Variants in SZT2 observed in about 807,000 individuals in gnomAD.
SZT2 encodes SZT2 subunit of KICSTOR complex, also known as KICSTOR complex protein SZT2.
In SZT2, 216 loss-of-function variants were observed where a neutral mutation model predicts 404.2. That is an observed-to-expected ratio of 0.53 (90% CI 0.48 to 0.60). SZT2 has a LOEUF of 0.60. SZT2 is among the 20% of genes least tolerant of loss of function. SZT2 has a pLI of 0.00. For missense variants in SZT2, 3,857 were observed against 4,459.2 expected (o/e 0.86, Z 3.85); for synonymous variants, 1,693 against 1,749.9 (o/e 0.97, Z 0.81).
chr1:43,398,635 T>C (rs983816661), intron 1 of SZT2, among the ~76,000 whole-genome samples: 2 of 152,030 alleles, frequency 1.3e-5, no homozygotes, highest in Non-Finnish European at 2.9e-5. Flanking sequence ...AAAGAAAGGG[T>C]GAGTAATTGC....
chr1:43,392,456 C>T (rs981762637), intron 1 of SZT2, among the ~76,000 whole-genome samples: 1 of 151,366 alleles, frequency 6.6e-6, no homozygotes, highest in African/African-American at 2.4e-5. Flanking sequence ...GCTCTGTCGC[C>T]CAGGCTGGAG....
Position 43,420,941 on chromosome 1 carries a change from A to T in SZT2, c.1454A>T (p.Tyr485Phe). 1 of 1,598,414 alleles carries T rather than the reference A, an allele frequency of 6.3e-7. No homozygotes were observed. Among genetic ancestry groups the T allele is most frequent in the Non-Finnish European group, 8.5e-7 (1 of 1,179,800 alleles). ...CTAAGGCAGCCCATTCGTTCATTGTATCGTACCCATGTTATCCGGCGTTTC... is the reference window on the plus strand; with the variant it reads ...CTAAGGCAGCCCATTCGTTCATTGTTTCGTACCCATGTTATCCGGCGTTTC... ...CALRQPIRSL[Y>F]RTHVIRRFWN... Residue 485 changes from tyrosine (Y) to phenylalanine (F), a missense_variant, in exon 10 of 72, where the codon TAT (tyrosine) becomes TTT (phenylalanine). Physicochemically the swap from Tyr to Phe is conservative, Grantham distance 22. This residue lies in a region of SZT2 where 536 missense variants were observed against 637.4 expected (regional missense o/e 0.84). Transcript: ENST00000634258. The surrounding 1 kb of genome is among the most constrained non-coding windows in gnomAD (Gnocchi z 5.1).
chr1:43,397,488 C>T (rs912524547), intron 1 of SZT2, among the ~76,000 whole-genome samples: 28 of 150,902 alleles, frequency 1.9e-4, no homozygotes, highest in African/African-American at 6.8e-4. Flanking sequence ...GATCTTCAGA[C>T]TTATACAGGA....
rs1160875821 is a variant in SZT2, at chr1:43,435,255, C to T, written c.5960C>T (p.Ala1987Val). The T allele has an allele frequency of 5.6e-6, 9 of 1,614,210 alleles. No individual in the cohort carries two copies. The highest frequency in any genetic ancestry group is 7.6e-6 in the Non-Finnish European group (9 of 1,180,032). ...CACGTGTGTAACTCTCTTCTGGTGG[C>T]CGAGAGTGAAGAAGATCTGTGGCGC... Reference protein sequence around the residue: ...DSHVCNSLLVAESEEDLWRSE... With the variant: ...DSHVCNSLLVVESEEDLWRSE... The change falls in exon 42 of 72, where the codon GCC becomes GTC. Residue 1987 changes from alanine (A) to valine (V), a missense_variant. Ala to Val is a moderately conservative substitution (Grantham distance 64). This residue lies in a region of SZT2 where 1,725 missense variants were observed against 1,881.0 expected (regional missense o/e 0.92). Transcript: ENST00000634258.
chr1:43,450,598 G>A lies in SZT2; in HGVS notation c.*118G>A. ...CCCCAGGGCAAGCCAGACACTGAGTGACACCAAAGGCTTTGTAACTATGTC... is the reference window on the plus strand; with the variant it reads ...CCCCAGGGCAAGCCAGACACTGAGTAACACCAAAGGCTTTGTAACTATGTC... On this transcript the variant is annotated 3_prime_UTR_variant, in exon 72 of 72. Coordinates refer to ENST00000634258, the MANE Select transcript of SZT2 (RefSeq NM_001365999.1). This position sits in a 1 kb window ranked among gnomAD's most constrained non-coding sequence, Gnocchi z 4.3. 7.0e-7 allele frequency: 1 copy of A among 1,429,580 alleles called. No individual in the cohort carries two copies. The highest frequency in any genetic ancestry group is 1.9e-5 in the Admixed American group (1 of 51,740). The allele number at this position is 1,429,580 out of a possible 1,614,324, so 88.6% of individuals were successfully genotyped here. A position where few individuals can be genotyped will look rare whatever the true frequency, so the allele number is the denominator to read the frequency against.
Position 43,439,576 on chromosome 1 carries a change from G to C in SZT2, c.6878-29G>C. 6.2e-7 allele frequency: 1 copy of C among 1,613,382 alleles called. No individual in the cohort carries two copies. The highest frequency in any genetic ancestry group is 8.5e-7 in the Non-Finnish European group (1 of 1,179,592). On this transcript the variant is annotated intron_variant, in intron 49 of 71. Coordinates refer to ENST00000634258, the MANE Select transcript of SZT2 (RefSeq NM_001365999.1). This position sits in a 1 kb window ranked among gnomAD's most constrained non-coding sequence, Gnocchi z 4.2. The stretch of plus-strand genomic sequence containing the variant: ...GGAGGGGTGGTCTGCAAGTCCCAGA[G>C]CTGAGCCTTCCTATGGATTTCTACC...
In SZT2 at chr1:43,437,146, C is replaced by G. The variant is rs1570694620; in HGVS notation, c.6035-25C>G. 6.2e-7 allele frequency: 1 copy of G among 1,612,912 alleles called. No individual in the cohort carries two copies. The highest frequency in any genetic ancestry group is 8.5e-7 in the Non-Finnish European group (1 of 1,179,310). ...GGGCAGAGGGTGGTGTGTCCCATTT[C>G]TAATCCCTGCTCCCCCTCACCCAGA... On this transcript the variant is annotated intron_variant, in intron 42 of 71. Transcript: ENST00000634258. This position sits in a 1 kb window ranked among gnomAD's most constrained non-coding sequence, Gnocchi z 5.3.
chr1:43,414,423 T>TA (rs1651452476), intron 4 of SZT2, among the ~76,000 whole-genome samples: 2 of 152,072 alleles, frequency 1.3e-5, no homozygotes, highest in African/African-American at 2.4e-5. Context: ...ACAAAAATTT[T>TA]TAAAAAAAAA....
rs2153939262 is a variant in SZT2, at chr1:43,454,167, C to CT, written c.*3688dup. The CT allele has an allele frequency of 2.7e-6, 1 of 374,824 alleles. No homozygotes were observed. Among genetic ancestry groups the CT allele is most frequent in the East Asian group, 1.2e-4 (1 of 8,002 alleles). The allele number at this position is 374,824 out of a possible 1,614,324, so 23.2% of individuals were successfully genotyped here. The stretch of plus-strand genomic sequence containing the variant: ...CGCACTTTAATACTGAGTCTTTCCT[C>CT]TGATTATAAAAATGCTATCTGTTCG... On this transcript the variant is annotated 3_prime_UTR_variant, in exon 72 of 72. Coordinates refer to ENST00000634258, the MANE Select transcript of SZT2 (RefSeq NM_001365999.1).
Position 43,424,751 on chromosome 1 carries a change from C to G in SZT2, c.2472-33C>G. On this transcript the variant is annotated intron_variant, in intron 16 of 71. Transcript: ENST00000634258. The surrounding 1 kb of genome is among the most constrained non-coding windows in gnomAD (Gnocchi z 4.1). ...GTCTCAGTGTCTCTTCTTCCCTTAT[C>G]CTGGCCTTGCCCCGGCCTTTATGGG... is the stretch of plus-strand genomic sequence containing the variant. 6.3e-7 allele frequency: 1 copy of G among 1,590,802 alleles called. No individual in the cohort carries two copies. Among genetic ancestry groups the G allele is most frequent in the Non-Finnish European group, 8.6e-7 (1 of 1,159,276 alleles).
intron 4 of SZT2, 71 bp downstream of exon 4, chr1:43,404,621 C>T (rs1479307534): frequency 6.7e-7 from 1 of 1,498,154 alleles, no homozygotes; most frequent in East Asian, 2.3e-5. Context: ...AAGTCCTTAT[C>T]CTGTCTCTGC....
chr1:43,394,473 C>G (rs767645198), intron 1 of SZT2, among the ~76,000 whole-genome samples: 2 of 152,078 alleles, frequency 1.3e-5, no homozygotes, highest in Non-Finnish European at 2.9e-5. Flanking sequence ...TGCAGCTGGT[C>G]CTTGGATCCC....
At chr1:43,427,786 C>T (rs912397312) in intron 26 of SZT2, 52 bp downstream of exon 26, 5 of 1,586,818 alleles carry the variant, frequency 3.2e-6, no homozygotes, top group Admixed American at 3.5e-5. Flanking sequence ...GGCTCCCAGC[C>T]AAGAAATAAG....
intron 40 of SZT2, 79 bp downstream of exon 40, chr1:43,433,269 T>C (rs1654117820): frequency 2.7e-6 from 4 of 1,483,594 alleles, no homozygotes; most frequent in South Asian, 2.4e-5. Context: ...CTCTCCAGTG[T>C]TGTTAGAAGT....
At chr1:43,422,677 CGCCACCTCAT>C (rs1557546220) in intron 13 of SZT2, 45 bp downstream of exon 13, 8 of 1,154,598 alleles carry the variant, frequency 6.9e-6, no homozygotes, top group South Asian at 4.3e-5. Flanking sequence ...CCCACCCCCC[CGCCACCTCAT>C]CCCATGTCTC....
Position 43,441,655 on chromosome 1 carries a change from G to T in SZT2, c.7610-31G>T. 1 of 1,614,038 alleles carries T rather than the reference G, an allele frequency of 6.2e-7. No individual in the cohort carries two copies. The highest frequency in any genetic ancestry group is 8.5e-7 in the Non-Finnish European group (1 of 1,179,942). ...TCAACCCCAGCCTGGTCTCCATCCTGCAGCTCCACAGTGACTCCTCTGCCT... is the reference window on the plus strand; with the variant it reads ...TCAACCCCAGCCTGGTCTCCATCCTTCAGCTCCACAGTGACTCCTCTGCCT... On this transcript the variant is annotated intron_variant, in intron 54 of 71. Coordinates refer to ENST00000634258, the MANE Select transcript of SZT2 (RefSeq NM_001365999.1). This position sits in a 1 kb window ranked among gnomAD's most constrained non-coding sequence, Gnocchi z 4.8.
Position 43,439,381 on chromosome 1 carries a change from C to T in SZT2, c.6816C>T (p.Gly2272=), listed in dbSNP as rs150870098. Reference sequence around the variant, plus strand: ...AGCATCCACTCCCACCACAGGGTGGCCTCCCTGACTTGGACATCTACTTGT... The same window carrying T: ...AGCATCCACTCCCACCACAGGGTGGTCTCCCTGACTTGGACATCTACTTGT... ...HFQHPLPPQG[G]LPDLDIYLYN... The change falls in exon 49 of 72, where the codon GGC becomes GGT. Residue 2272 remains glycine, a synonymous_variant. Transcript: ENST00000634258. The surrounding 1 kb of genome is among the most constrained non-coding windows in gnomAD (Gnocchi z 4.2). The T allele has an allele frequency of 5.6e-6, 9 of 1,613,756 alleles. No homozygotes were observed. The highest frequency in any genetic ancestry group is 6.8e-6 in the Non-Finnish European group (8 of 1,179,918).
Position 43,422,818 on chromosome 1 carries a change from A to C in SZT2, c.1972A>C (p.Lys658Gln). ...NSFYMVRIIS[K>Q]APCMVLRLGF... ...CTTCTACATGGTCCGTATCATTTCC[A>C]AGGCCCCATGCATGGTTCTTCGCCT... Residue 658 changes from lysine to glutamine, a missense_variant, in exon 14 of 72, where the codon AAG becomes CAG. Physicochemically the swap from Lys to Gln is moderately conservative, Grantham distance 53. Transcript: ENST00000634258. 1 of 1,594,266 alleles carries C rather than the reference A, an allele frequency of 6.3e-7. No homozygotes were observed. Among genetic ancestry groups the C allele is most frequent in the Non-Finnish European group, 8.5e-7 (1 of 1,178,106 alleles).
At position 43,425,003 on chromosome 1, in the gene SZT2, A is replaced by C. The variant is rs559342532; in HGVS notation, c.2551-110A>C. On this transcript the variant is annotated intron_variant, in intron 17 of 71. Coordinates refer to ENST00000634258, the MANE Select transcript of SZT2 (RefSeq NM_001365999.1). The surrounding 1 kb of genome is among the most constrained non-coding windows in gnomAD (Gnocchi z 4.3). ...GAGGATGCTCAAGGTCTGAGGCTGC[A>C]GTCATAGGACAATTTGGTGAGGGAA... 84 of 1,518,946 alleles carry C rather than the reference A, an allele frequency of 5.5e-5. 2 individuals are homozygous for C. The East Asian group carries it at 1.9e-3, about 34-fold the overall frequency. 94.1% of individuals were successfully genotyped at this position (1,518,946 alleles called of 1,614,324 possible). A position where few individuals can be genotyped will look rare whatever the true frequency, so the allele number is the denominator to read the frequency against.
Sources: gnomAD v4.1 joint callset for allele counts (sites outside exome capture counted in the v4.1 genomes callset) on GRCh38, gnomAD v4.1.1 for gene constraint, gnomAD v4.1.1 regional missense constraint, Gnocchi (gnomAD v3.1) non-coding constraint, MANE v1.5 for transcripts, NCBI Gene and HGNC (gene_info 2026-07-23, HGNC 2026-07-21) for gene names.